Variants in EIF2AK4 observed in about 807,000 individuals in gnomAD.
EIF2AK4 encodes the protein eukaryotic translation initiation factor 2 alpha kinase 4.
Under a neutral mutation model 211.1 loss-of-function variants are expected in EIF2AK4, and 139 were observed. The ratio of observed to expected loss-of-function variants is 0.66; its 90% CI spans 0.57 to 0.76. EIF2AK4 has a LOEUF of 0.76. EIF2AK4 is among the 30% of genes least tolerant of loss of function. EIF2AK4 has a pLI of 0.00. For synonymous variants in EIF2AK4, 710 were observed against 751.3 expected, an observed-to-expected ratio of 0.94 and a Z score of 0.90; for missense variants, 1,664 against 2,043.8, an observed-to-expected ratio of 0.81 and a Z score of 3.58.
chr15:39,960,828 T>C (rs950259828), intron 6 of EIF2AK4, among the ~76,000 whole-genome samples: 1 of 152,114 alleles, frequency 6.6e-6, no homozygotes, highest in Non-Finnish European at 1.5e-5. Context: ...AAAGAAAGAA[T>C]AGTGCCAATG....
chr15:40,017,944 A>G (rs1220958983), intron 29 of EIF2AK4, among the ~76,000 whole-genome samples: 1 of 152,124 alleles, frequency 6.6e-6, no homozygotes, highest in African/African-American at 2.4e-5. Context: ...CTTTCCCTCA[A>G]CAACCACCAT....
chr15:40,020,115 T>A (rs2035362270), intron 30 of EIF2AK4, among the ~76,000 whole-genome samples: 1 of 145,268 alleles, frequency 6.9e-6, no homozygotes, highest in Non-Finnish European at 1.5e-5. Flanking sequence ...TGCAGTGAGG[T>A]GAAATCATGC....
In EIF2AK4 at chr15:39,937,281, G is replaced by A. The variant is rs145553512; in HGVS notation, c.145-2224G>A. On this transcript the variant is annotated intron_variant, in intron 1 of 38. Transcript: ENST00000263791. ...CTTTATCTTCAACAATACTATATAT[G>A]TTAGACTTTTTCATCTTTGCCACAT... Among the ~76,000 whole-genome samples, 413 of 152,136 alleles carry A rather than the reference G, an allele frequency of 2.7e-3. 5 individuals carry two copies. The highest frequency in any genetic ancestry group is 9.1e-3 in the African/African-American group (379 of 41,518).
chr15:40,001,633 C>CAAAAAAAA (rs11383908), intron 21 of EIF2AK4, among the ~76,000 whole-genome samples: 7 of 120,308 alleles, frequency 5.8e-5, no homozygotes, highest in Admixed American at 9.4e-5. Flanking sequence ...GACCCCAACT[C>CAAAAAAAA]AAAAAAAAAA....
chr15:40,002,195 T>C (rs2035102235), intron 21 of EIF2AK4, among the ~76,000 whole-genome samples: 1 of 152,204 alleles, frequency 6.6e-6, no homozygotes, highest in South Asian at 2.1e-4. Context: ...TAGGTGACTT[T>C]TTTATAGATG....
rs967755881 is a variant in EIF2AK4 at position 39,990,249 on chromosome 15, T to A, written c.2527-24T>A. 6 of 1,607,780 alleles carry A rather than the reference T, an allele frequency of 3.7e-6. No individual in the cohort carries two copies. The Admixed American group carries it at 1.0e-4, about 27-fold the overall frequency. On this transcript the variant is annotated intron_variant, in intron 15 of 38. Transcript: ENST00000263791. ...ACTTTATGCATGGAAAACCATTGTT[T>A]GTTTCTTCACTCTCTTTCAACAGGG...
Position 39,998,773 on chromosome 15 carries a change from CA to C in EIF2AK4, c.2912del (p.His971LeufsTer12). On this transcript the variant is annotated frameshift_variant, in exon 20 of 39. Transcript: ENST00000263791. LOFTEE classifies it high-confidence loss of function. Reference sequence around the variant, plus strand: ...TCCAGAAGACTTTGACGATGGAGAGCATGCAAAGCAGGTAATTTTCTGATGC... The same window carrying C: ...TCCAGAAGACTTTGACGATGGAGAGCTGCAAAGCAGGTAATTTTCTGATGC... The part of the protein sequence containing the change: ...KFPEDFDDGE[H>X]AKQKSVISWL... The C allele has an allele frequency of 6.2e-7, 1 of 1,612,184 alleles. No individual in the cohort carries two copies. Among genetic ancestry groups the C allele is most frequent in the African/African-American group, 1.3e-5 (1 of 74,972 alleles).
chr15:39,971,470 G>T (rs962867345), intron 9 of EIF2AK4, among the ~76,000 whole-genome samples: 1 of 152,208 alleles, frequency 6.6e-6, no homozygotes, highest in Admixed American at 6.5e-5. Flanking sequence ...GTTGCAGGTT[G>T]CAGTGAGCCA....
intron 8 of EIF2AK4, 54 bp from the exon 9 acceptor site, chr15:39,967,290 C>A: frequency 1.3e-6 from 2 of 1,491,592 alleles, no homozygotes; most frequent in Non-Finnish European, 9.0e-7. Flanking sequence ...GAAATGAAAC[C>A]CAAGTTAATG....
chr15:39,996,406 C>T (rs778471336), intron 18 of EIF2AK4, among the ~76,000 whole-genome samples: 13 of 152,128 alleles, frequency 8.5e-5, no homozygotes, highest in Non-Finnish European at 1.6e-4. Flanking sequence ...AACCAGTTAC[C>T]ATTAATTTTC....
intron 11 of EIF2AK4, chr15:39,974,975 A>G (rs2034674123): frequency 6.6e-6 from 1 of 152,248 alleles, no homozygotes; most frequent in East Asian, 1.9e-4. Context: ...CTCCCAACCC[A>G]GTTCGTATAT....
In EIF2AK4 at chr15:39,973,649, C is replaced by T; in HGVS notation, c.1718C>T (p.Ala573Val). The T allele has an allele frequency of 6.2e-7, 1 of 1,614,132 alleles. No individual in the cohort carries two copies. The highest frequency in any genetic ancestry group is 8.5e-7 in the Non-Finnish European group (1 of 1,179,994). The change falls in exon 11 of 39, where the codon GCT becomes GTT. Residue 573 changes from alanine to valine, a missense_variant. Physicochemically the swap from Ala to Val is moderately conservative, Grantham distance 64. Coordinates refer to ENST00000263791, the MANE Select transcript of EIF2AK4 (RefSeq NM_001013703.4). ...TVIPSNRLPS[A>V]AFFSETQRQF... ...ATTCCTAGCAACCGGCTACCCAGTG[C>T]TGCCTTCTTTAGTGAGACACAGAGA...
chr15:39,948,970 G>A (rs1198052714), intron 3 of EIF2AK4, 146 bp from the exon 4 acceptor site: 2 of 917,578 alleles, frequency 2.2e-6, no homozygotes, highest in Non-Finnish European at 3.3e-6. Flanking sequence ...ATCATATACC[G>A]AATTCAGAGT....
intron 6 of EIF2AK4, among the ~76,000 whole-genome samples, chr15:39,956,773 C>T (rs956486660): frequency 6.6e-6 from 1 of 152,008 alleles, no homozygotes; most frequent in Non-Finnish European, 1.5e-5. Context: ...TTTAAATTAT[C>T]TCTTGTGAGA....
chr15:39,959,902 G>A (rs977717907), intron 6 of EIF2AK4, among the ~76,000 whole-genome samples: 4 of 152,292 alleles, frequency 2.6e-5, no homozygotes, highest in Middle Eastern at 3.4e-3. Context: ...GGTGGCTCAT[G>A]CCTGTAATCC....
At chr15:39,936,478 T>C (rs1443317899) in intron 1 of EIF2AK4, among the ~76,000 whole-genome samples, 1 of 152,160 alleles carries the variant, frequency 6.6e-6, no homozygotes, top group Non-Finnish European at 1.5e-5. Flanking sequence ...GGTGGAGCAA[T>C]CTCGGCTCAC....
chr15:40,029,395 CT>C lies in EIF2AK4; in HGVS notation c.4503-9del. Reference sequence around the variant, plus strand: ...ACTGTTCTTTAATTGTTTTTGTTTGCTTGTTTTTAGAGAAGCTTCCGATAAT... The same window carrying C: ...ACTGTTCTTTAATTGTTTTTGTTTGCTGTTTTTAGAGAAGCTTCCGATAAT... On this transcript the variant is annotated splice_polypyrimidine_tract_variant and intron_variant, in intron 33 of 38. Transcript: ENST00000263791. 6.2e-7 allele frequency: 1 copy of C among 1,611,780 alleles called. No homozygotes were observed. Among genetic ancestry groups the C allele is most frequent in the South Asian group, 1.1e-5 (1 of 90,912 alleles).
chr15:40,029,245 C>T, intron 33 of EIF2AK4, 161 bp from the exon 34 acceptor site: 1 of 954,372 alleles, frequency 1.0e-6, no homozygotes, highest in Non-Finnish European at 1.2e-6. Context: ...CAAAGCATAA[C>T]TAAATGCAAA....
intron 34 of EIF2AK4, 86 bp from the exon 35 acceptor site, chr15:40,030,273 C>A: frequency 7.6e-7 from 1 of 1,311,620 alleles, no homozygotes; most frequent in Non-Finnish European, 1.1e-6. Context: ...AGGATGTCTA[C>A]TAATAAACTC....
Sources: gnomAD v4.1 joint callset for allele counts (sites outside exome capture counted in the v4.1 genomes callset) on GRCh38, gnomAD v4.1.1 for gene constraint, MANE v1.5 for transcripts, NCBI Gene and HGNC (gene_info 2026-07-23, HGNC 2026-07-21) for gene names.